The following POLK variants were observed in gnomAD, a reference collection of about 807,000 sequenced individuals.
The protein encoded by POLK is polymerase (DNA directed) kappa.
Under a neutral mutation model 94.0 loss-of-function variants are expected in POLK, and 76 were observed. The observed-to-expected ratio is 0.81, with a 90% CI of 0.67 to 0.98. The LOEUF (loss-of-function observed/expected upper bound fraction) is 0.98. Among genes scored for constraint, POLK ranks in the 50% least tolerant of loss-of-function variants. The probability of loss-of-function intolerance (pLI) is 0.00; values close to 1 mark genes in which losing one functional copy is unlikely to be tolerated. For missense variants in POLK, 954 were observed against 1,010.1 expected (o/e 0.94, Z 0.75); for synonymous variants, 349 against 325.4 (o/e 1.07, Z -0.78).
intron 1 of POLK, among the ~76,000 whole-genome samples, chr5:75,546,601 A>G (rs1261635555): frequency 6.0e-5 from 9 of 151,178 alleles, no homozygotes; most frequent in Admixed American, 5.3e-4. Flanking sequence ...ACGGATGTAC[A>G]TGGTCCTCCT....
chr5:75,543,932 C>A (rs1000174675), intron 1 of POLK, among the ~76,000 whole-genome samples: 20 of 152,300 alleles, frequency 1.3e-4, no homozygotes, highest in African/African-American at 4.6e-4. Flanking sequence ...CTCCCAGGCT[C>A]AAGTGAAACT....
intron 3 of POLK, 77 bp from the exon 4 acceptor site, chr5:75,569,258 ATAAAT>A: frequency 1.1e-6 from 1 of 930,734 alleles, no homozygotes; most frequent in Non-Finnish European, 1.6e-6. Context: ...TAGACACTTA[ATAAAT>A]TAAGATTAAT....
At chr5:75,572,998 C>G (rs186825214) in intron 4 of POLK, among the ~76,000 whole-genome samples, 1 of 152,260 alleles carries the variant, frequency 6.6e-6, no homozygotes, top group East Asian at 1.9e-4. Flanking sequence ...TTTGACCCAG[C>G]CATCCCATTA....
At chr5:75,590,513 T>C in intron 11 of POLK, 73 bp downstream of exon 11, 2 of 824,340 alleles carry the variant, frequency 2.4e-6, no homozygotes, top group Non-Finnish European at 4.2e-6. Context: ...AAAGCTAGAG[T>C]TAGATTACAC....
At chr5:75,524,251 T>C (rs571516712) in intron 1 of POLK, among the ~76,000 whole-genome samples, 3 of 152,198 alleles carry the variant, frequency 2.0e-5, no homozygotes, top group African/African-American at 7.2e-5. Context: ...ACTTTGAAGG[T>C]AGGGGTGGAC....
intron 6 of POLK, among the ~76,000 whole-genome samples, chr5:75,580,988 G>A (rs941770398): frequency 6.6e-6 from 1 of 151,508 alleles, no homozygotes; most frequent in African/African-American, 2.4e-5. Context: ...TTATACTGTG[G>A]AAATGGATAA....
At chr5:75,584,727 AT>A in intron 8 of POLK, 32 bp from the exon 9 acceptor site, 1 of 1,257,978 alleles carries the variant, frequency 7.9e-7, no homozygotes, top group South Asian at 1.5e-5. Flanking sequence ...TCACTTTAAA[AT>A]CTATTAATAA....
chr5:75,521,514 G>A (rs1768584295), intron 1 of POLK, among the ~76,000 whole-genome samples: 1 of 152,054 alleles, frequency 6.6e-6, no homozygotes, highest in Non-Finnish European at 1.5e-5. Flanking sequence ...TATTTGGGAT[G>A]TCACTGAGTT....
intron 10 of POLK, among the ~76,000 whole-genome samples, chr5:75,589,406 C>T (rs1029269163): frequency 6.7e-6 from 1 of 149,392 alleles, no homozygotes; most frequent in African/African-American, 2.5e-5. Context: ...CACACACACA[C>T]ACACACACAC....
At chr5:75,547,631 G>A (rs1461217033) in intron 2 of POLK, among the ~76,000 whole-genome samples, 1 of 152,096 alleles carries the variant, frequency 6.6e-6, no homozygotes, top group African/African-American at 2.4e-5. Context: ...AGGGAATAAC[G>A]TATTTTATAA....
chr5:75,532,832 A>G (rs192189134), intron 1 of POLK, among the ~76,000 whole-genome samples: 54 of 152,338 alleles, frequency 3.5e-4, no homozygotes, highest in Non-Finnish European at 1.5e-5. Context: ...TTCTCTAATG[A>G]TAAGTAATGT....
chr5:75,581,250 C>T lies in POLK; in HGVS notation c.736C>T (p.Arg246Ter), dbSNP rs201034973. ...AGTTAATAAACTGAGTGAGCATGAA[C>T]GATCCATCTCTCCACTACTTTTTGA... Residue 246 changes from arginine (R) to a stop codon, truncating the protein, a stop_gained, in exon 7 of 15, where the codon CGA (arginine) becomes TGA (stop). Coordinates refer to ENST00000241436, the Ensembl canonical transcript of POLK. LOFTEE classifies it high-confidence loss of function. 7.3e-5 allele frequency: 117 copies of T among 1,605,532 alleles called. No individual in the cohort carries two copies. Among genetic ancestry groups the T allele is most frequent in the Non-Finnish European group, 9.6e-5 (113 of 1,172,270 alleles).
intron 1 of POLK, among the ~76,000 whole-genome samples, chr5:75,519,829 C>T (rs146163284): frequency 9.8e-4 from 149 of 152,268 alleles, no homozygotes; most frequent in African/African-American, 3.4e-3. Context: ...TTTATCCAGT[C>T]ATCTACTCTG....
chr5:75,537,896 G>A (rs1033385761), intron 1 of POLK, among the ~76,000 whole-genome samples: 2 of 150,218 alleles, frequency 1.3e-5, no homozygotes, highest in Non-Finnish European at 3.0e-5. Context: ...TTGCTCTGTC[G>A]CCCAGGTTGG....
intron 2 of POLK, among the ~76,000 whole-genome samples, chr5:75,549,740 A>C (rs775174319): frequency 6.6e-6 from 1 of 152,076 alleles, no homozygotes; most frequent in Non-Finnish European, 1.5e-5. Flanking sequence ...AATATATAGA[A>C]AATTACAGAG....
chr5:75,548,120 C>T (rs969756087), intron 2 of POLK, among the ~76,000 whole-genome samples: 2 of 152,214 alleles, frequency 1.3e-5, no homozygotes, highest in Admixed American at 1.3e-4. Flanking sequence ...GGCGGTCTCA[C>T]TGTGTTGCCC....
At chr5:75,589,274 C>A (rs1772627924) in intron 10 of POLK, among the ~76,000 whole-genome samples, 1 of 151,758 alleles carries the variant, frequency 6.6e-6, no homozygotes, top group Non-Finnish European at 1.5e-5. Context: ...GAACTCTCAC[C>A]ATGATAAATT....
At chr5:75,558,294 T>G (rs534846274) in intron 3 of POLK, among the ~76,000 whole-genome samples, 2 of 152,030 alleles carry the variant, frequency 1.3e-5, no homozygotes, top group African/African-American at 2.4e-5. Context: ...ACCATGCCTA[T>G]GTCTTCTTTT....
intron 9 of POLK, among the ~76,000 whole-genome samples, chr5:75,585,802 G>T (rs1441617509): frequency 6.6e-6 from 1 of 152,152 alleles, no homozygotes; most frequent in African/African-American, 2.4e-5. Flanking sequence ...TCCTCAAAAT[G>T]ACTCCTTTAT....
Sources: allele counts gnomAD v4.1 joint callset (sites outside exome capture counted in the v4.1 genomes callset), GRCh38; gene constraint gnomAD v4.1.1; transcripts MANE v1.5; gene names NCBI Gene and HGNC (gene_info 2026-07-23, HGNC 2026-07-21).